Variants in CDH17 observed in about 807,000 individuals in gnomAD.
The protein encoded by CDH17 is cadherin 17.
A neutral mutation model predicts 86.3 loss-of-function variants in CDH17; 67 were observed. That is an observed-to-expected ratio of 0.78 (90% CI 0.64 to 0.95). CDH17 has a LOEUF of 0.95. CDH17 is among the 40% of genes least tolerant of loss of function. The pLI is 0.00. For missense variants in CDH17, 993 were observed against 1,017.6 expected, an observed-to-expected ratio of 0.98 and a Z score of 0.33; for synonymous variants, 367 against 366.4, an observed-to-expected ratio of 1.00 and a Z score of -0.02.
At chr8:94,191,474 A>C (rs1297689546) in intron 2 of CDH17, among the ~76,000 whole-genome samples, 17 of 143,970 alleles carry the variant, frequency 1.2e-4, no homozygotes. Flanking sequence ...TTTTTGAGAC[A>C]GAGTTTCACT....
At position 94,171,035 on chromosome 8, in the gene CDH17, A is replaced by G. The variant is rs759885312; in HGVS notation, c.784-50T>C. The G allele has an allele frequency of 9.0e-6, 14 of 1,550,478 alleles. No individual in the cohort carries two copies. In the Admixed American group the frequency reaches 2.7e-4, roughly 30 times the overall value. On this transcript the variant is annotated intron_variant, in intron 7 of 17. Coordinates refer to ENST00000027335, the MANE Select transcript of CDH17 (RefSeq NM_004063.4). ...AGGAAAGCTGTATTTGGACTGAGAG[A>G]ACTGGAAAGGAAATAATTTTCTAGT... is the stretch of plus-strand genomic sequence containing the variant.
At chr8:94,214,281 C>T (rs1410826903) in intron 1 of CDH17, among the ~76,000 whole-genome samples, 1 of 152,086 alleles carries the variant, frequency 6.6e-6, no homozygotes, top group Admixed American at 6.5e-5. Flanking sequence ...GTGAGCTTTG[C>T]TTGGAAGGAC....
At chr8:94,138,810 C>T (rs1336765002) in intron 15 of CDH17, among the ~76,000 whole-genome samples, 1 of 152,124 alleles carries the variant, frequency 6.6e-6, no homozygotes, top group Non-Finnish European at 1.5e-5. Flanking sequence ...AACATTAGCC[C>T]TAGAATAAAT....
chr8:94,185,380 T>C (rs1813560575), intron 3 of CDH17, among the ~76,000 whole-genome samples: 1 of 151,906 alleles, frequency 6.6e-6, no homozygotes, highest in South Asian at 2.1e-4. Flanking sequence ...AAGGGATAAC[T>C]TTGCAGCATG....
intron 14 of CDH17, among the ~76,000 whole-genome samples, chr8:94,147,990 C>T (rs1448084351): frequency 6.6e-6 from 1 of 152,162 alleles, no homozygotes; most frequent in African/African-American, 2.4e-5. Context: ...AAGTAGAGAA[C>T]ATTTCATAAA....
rs374325681 is a variant in CDH17, at chr8:94,129,556, C to T, written c.2398+1070G>A. Among the ~76,000 whole-genome samples the T allele has an allele frequency of 9.9e-5, 15 of 152,208 alleles. No homozygotes were observed. In the East Asian group the frequency reaches 2.9e-3, roughly 29 times the overall value. Reference sequence around the variant, plus strand: ...ACAATCAATAATACTTAGAATAATCCTAGTCCTTCTTTTAAAAGAAAAAGG... The same window carrying T: ...ACAATCAATAATACTTAGAATAATCTTAGTCCTTCTTTTAAAAGAAAAAGG... On this transcript the variant is annotated intron_variant, in intron 17 of 17. Coordinates refer to ENST00000027335, the MANE Select transcript of CDH17 (RefSeq NM_004063.4).
chr8:94,172,842 G>A (rs1022107857), intron 7 of CDH17, among the ~76,000 whole-genome samples: 3 of 152,154 alleles, frequency 2.0e-5, no homozygotes, highest in Admixed American at 6.5e-5. Flanking sequence ...GCATCTGAAC[G>A]GAGGGGAGAG....
rs777289492 is a variant in CDH17, at chr8:94,148,876, TTCA to T, written c.1797-5_1797-3del. 5.6e-6 allele frequency: 9 copies of T among 1,598,790 alleles called. 2 individuals carry two copies. In the South Asian group the frequency reaches 9.2e-5, roughly 16 times the overall value. ...CTTGTGTCTCCCCTCAGTGAATAGC[TTCA>T]TCAAATGAAAAGAGCAAAAGAAAGC... On this transcript the variant is annotated splice_region_variant and splice_polypyrimidine_tract_variant and intron_variant, in intron 13 of 17. Coordinates refer to ENST00000027335, the MANE Select transcript of CDH17 (RefSeq NM_004063.4).
At chr8:94,199,056 T>G (rs1330671149) in intron 1 of CDH17, among the ~76,000 whole-genome samples, 5 of 22,624 alleles carry the variant, frequency 2.2e-4, no homozygotes, top group Non-Finnish European at 5.3e-4. Context: ...TATATATATA[T>G]ATATATATAT....
chr8:94,156,176 A>T (rs1043162035), intron 12 of CDH17, among the ~76,000 whole-genome samples: 1 of 152,212 alleles, frequency 6.6e-6, no homozygotes, highest in Non-Finnish European at 1.5e-5. Flanking sequence ...CTGAAAGGTC[A>T]AACCTAGAGA....
rs1270646257 is a variant in CDH17, at chr8:94,201,207, CAAA to C, written c.-20-6505_-20-6503del. Among the ~76,000 whole-genome samples, 17 of 152,120 alleles carry C rather than the reference CAAA, an allele frequency of 1.1e-4. 1 individual carries two copies. The highest frequency in any genetic ancestry group is 8.5e-4 in the Admixed American group (13 of 15,264). On this transcript the variant is annotated intron_variant, in intron 1 of 17. Coordinates refer to ENST00000027335, the MANE Select transcript of CDH17 (RefSeq NM_004063.4). ...GGTCTGGGAAGTTTTGTTTCTACTG[CAAA>C]TGTATCTCTGTGTCTCACTATTTCT...
intron 10 of CDH17, among the ~76,000 whole-genome samples, chr8:94,162,612 A>G (rs1263345996): frequency 6.6e-6 from 1 of 152,188 alleles, no homozygotes; most frequent in African/African-American, 2.4e-5. Flanking sequence ...TGCTCTGACT[A>G]CTATGATGGT....
chr8:94,137,432 G>A (rs760105435), intron 15 of CDH17, among the ~76,000 whole-genome samples: 15 of 152,164 alleles, frequency 9.9e-5, no homozygotes, highest in Admixed American at 6.5e-5. Flanking sequence ...CTGTGGGCAC[G>A]GGACCTGCCA....
chr8:94,197,497 G>A (rs977237726), intron 1 of CDH17, among the ~76,000 whole-genome samples: 14 of 152,056 alleles, frequency 9.2e-5, no homozygotes, highest in African/African-American at 3.4e-4. Flanking sequence ...CGGTGCCTTA[G>A]TCTCCTCACA....
chr8:94,146,135 G>T lies in CDH17; in HGVS notation c.1960C>A (p.His654Asn). 6.3e-7 allele frequency: 1 copy of T among 1,598,966 alleles called. No homozygotes were observed. Among genetic ancestry groups the T allele is most frequent in the South Asian group, 1.1e-5 (1 of 88,470 alleles). ...GSSLSSVSEF[H>N]LILMDVNDNP... ...TCATTCACATCCATAAGGATCAGGTGGAACTCTGACACAGAGCTCAAGGAA... is the reference window on the plus strand; with the variant it reads ...TCATTCACATCCATAAGGATCAGGTTGAACTCTGACACAGAGCTCAAGGAA... The change falls in exon 15 of 18, where the codon CAC becomes AAC. Residue 654 changes from histidine (H) to asparagine (N), a missense_variant. By Grantham distance (68) the His-to-Asn change is moderately conservative. Transcript: ENST00000027335.
In CDH17 at chr8:94,160,046, T is replaced by C. The variant is rs1469239097; in HGVS notation, c.1476A>G (p.Ile492Met). The change falls in exon 12 of 18, where the codon ATA becomes ATG. Residue 492 changes from isoleucine to methionine, a missense_variant. Ile to Met is a conservative substitution (Grantham distance 10). Transcript: ENST00000027335. Reference protein sequence around the residue: ...TGSSKILYHIIKGDSEGRLGV... With the variant: ...TGSSKILYHIMKGDSEGRLGV... ...CCAGGCGTCCCTCACTGTCTCCCTT[T>C]ATGATATGATACAGAATTTTAGAAC... 3.7e-6 allele frequency: 6 copies of C among 1,613,856 alleles called. No individual in the cohort carries two copies. The highest frequency in any genetic ancestry group is 5.1e-6 in the Non-Finnish European group (6 of 1,179,844).
At chr8:94,138,488 G>C (rs181172422) in intron 15 of CDH17, among the ~76,000 whole-genome samples, 3 of 152,294 alleles carry the variant, frequency 2.0e-5, no homozygotes, top group African/African-American at 7.2e-5. Context: ...TCCCTGAGTT[G>C]AGGTGATGGA....
chr8:94,143,779 A>C (rs1653504820), intron 15 of CDH17, among the ~76,000 whole-genome samples: 1 of 152,220 alleles, frequency 6.6e-6, no homozygotes, highest in African/African-American at 2.4e-5. Context: ...CACCTCTGTC[A>C]GCCTTTACAG....
At chr8:94,171,163 C>T (rs1586259230) in intron 7 of CDH17, among the ~76,000 whole-genome samples, 178 bp from the exon 8 acceptor site, 1 of 152,248 alleles carries the variant, frequency 6.6e-6, no homozygotes, top group East Asian at 1.9e-4. Context: ...TTCCCCCCAC[C>T]AAGTTATATT....
Sources: allele counts gnomAD v4.1 joint callset (sites outside exome capture counted in the v4.1 genomes callset), GRCh38; gene constraint gnomAD v4.1.1; transcripts MANE v1.5; gene names NCBI Gene and HGNC (gene_info 2026-07-23, HGNC 2026-07-21).